The following PXDNL variants were observed in gnomAD, a reference collection of about 807,000 sequenced individuals.
PXDNL encodes peroxidasin like.
Under a neutral mutation model 150.8 loss-of-function variants are expected in PXDNL, and 145 were observed. The observed-to-expected ratio is 0.96, with a 90% CI of 0.84 to 1.10. The LOEUF (loss-of-function observed/expected upper bound fraction) is 1.10. Among genes scored for constraint, PXDNL ranks in the 50% least tolerant of loss-of-function variants. The pLI, the probability that PXDNL is intolerant of heterozygous loss-of-function variation, is 0.00. For missense variants in PXDNL, 2,087 were observed against 1,873.9 expected, an observed-to-expected ratio of 1.11 and a Z score of -2.10; for synonymous variants, 757 against 725.7, an observed-to-expected ratio of 1.04 and a Z score of -0.69.
At chr8:51,334,008 A>G (rs1454695129) in intron 21 of PXDNL, among the ~76,000 whole-genome samples, 2 of 152,200 alleles carry the variant, frequency 1.3e-5, no homozygotes, top group Non-Finnish European at 2.9e-5. Context: ...CAACAACCAT[A>G]GAATACACAT....
At chr8:51,504,174 A>T (rs555604104) in intron 4 of PXDNL, among the ~76,000 whole-genome samples, 3 of 152,294 alleles carry the variant, frequency 2.0e-5, no homozygotes, top group Middle Eastern at 3.4e-3. Context: ...AGAGCAAACT[A>T]TACCCTCGGT....
intron 1 of PXDNL, among the ~76,000 whole-genome samples, chr8:51,701,642 C>T (rs1004015233): frequency 6.6e-6 from 1 of 152,080 alleles, no homozygotes; most frequent in African/African-American, 2.4e-5. Flanking sequence ...GTAATTAAAT[C>T]GATTACCAAA....
At chr8:51,452,171 G>T (rs937700964) in intron 10 of PXDNL, among the ~76,000 whole-genome samples, 1 of 152,188 alleles carries the variant, frequency 6.6e-6, no homozygotes, top group Non-Finnish European at 1.5e-5. Context: ...GTGATCAGGC[G>T]TTAGGTTTCT....
intron 3 of PXDNL, among the ~76,000 whole-genome samples, chr8:51,563,467 C>A (rs1812756961): frequency 6.6e-6 from 1 of 151,942 alleles, no homozygotes. Flanking sequence ...CCTCCAAATA[C>A]CATCACACTG....
At chr8:51,468,309 TTTTGTTAGGTATATAAAGG>T (rs1810248014) in intron 8 of PXDNL, among the ~76,000 whole-genome samples, 1 of 151,962 alleles carries the variant, frequency 6.6e-6, no homozygotes, top group Non-Finnish European at 1.5e-5. Context: ...TCATCAGCTA[TTTTGTTAGGTATATAAAGG>T]TTCATGAATT....
At chr8:51,320,936 A>G in intron 21 of PXDNL, 39 bp from the exon 22 acceptor site, 1 of 1,450,192 alleles carries the variant, frequency 6.9e-7, no homozygotes, top group Non-Finnish European at 9.7e-7. Flanking sequence ...TGGAAATTGA[A>G]GCGGATAGCA....
chr8:51,691,704 TC>T (rs1408379957), intron 1 of PXDNL, among the ~76,000 whole-genome samples: 5 of 152,032 alleles, frequency 3.3e-5, no homozygotes, highest in African/African-American at 9.7e-5. Flanking sequence ...GCCAAGACAA[TC>T]CCTCTTTCTT....
intron 17 of PXDNL, among the ~76,000 whole-genome samples, chr8:51,407,596 A>C (rs1015206028): frequency 2.1e-4 from 32 of 152,362 alleles, no homozygotes; most frequent in African/African-American, 7.7e-4. Flanking sequence ...TTAAGGATGC[A>C]GTGAAAAAGC....
chr8:51,745,750 C>T (rs1427168680), intron 1 of PXDNL, among the ~76,000 whole-genome samples: 2 of 133,134 alleles, frequency 1.5e-5, no homozygotes, highest in Non-Finnish European at 3.1e-5. Context: ...GAATTCTCCA[C>T]CACTACCATT....
At chr8:51,688,655 G>A (rs1815925498) in intron 1 of PXDNL, among the ~76,000 whole-genome samples, 1 of 152,052 alleles carries the variant, frequency 6.6e-6, no homozygotes, top group African/African-American at 2.4e-5. Flanking sequence ...TCTAATGCTT[G>A]CAGTTCCCAT....
intron 19 of PXDNL, among the ~76,000 whole-genome samples, chr8:51,365,129 G>A (rs1284027543): frequency 6.6e-6 from 1 of 152,050 alleles, no homozygotes; most frequent in Non-Finnish European, 1.5e-5. Flanking sequence ...GTAGAGATGG[G>A]GTTTTACTGT....
intron 1 of PXDNL, among the ~76,000 whole-genome samples, chr8:51,705,974 G>T (rs1228692466): frequency 6.6e-6 from 1 of 152,180 alleles, no homozygotes; most frequent in African/African-American, 2.4e-5. Context: ...AAAGATAATG[G>T]CTGAGAATTT....
chr8:51,416,412 T>G (rs1248583528), intron 14 of PXDNL, among the ~76,000 whole-genome samples: 12 of 152,254 alleles, frequency 7.9e-5, no homozygotes, highest in Admixed American at 4.6e-4. Flanking sequence ...AAAATTGTTT[T>G]GCTGTTATAG....
intron 1 of PXDNL, among the ~76,000 whole-genome samples, chr8:51,720,524 T>G (rs748669376): frequency 1.1e-4 from 17 of 152,022 alleles, no homozygotes; most frequent in Non-Finnish European, 2.2e-4. Flanking sequence ...ATACATAGTA[T>G]TTTTATTTTT....
intron 1 of PXDNL, among the ~76,000 whole-genome samples, chr8:51,690,907 T>C (rs1325465868): frequency 2.0e-5 from 3 of 152,206 alleles, no homozygotes; most frequent in Non-Finnish European, 4.4e-5. Flanking sequence ...GATTTGCATT[T>C]CTCTGATGGC....
intron 1 of PXDNL, among the ~76,000 whole-genome samples, chr8:51,736,052 A>G (rs1190778183): frequency 6.6e-6 from 1 of 152,200 alleles, no homozygotes; most frequent in Non-Finnish European, 1.5e-5. Flanking sequence ...CCCTTGAGAG[A>G]GCCATAATTT....
chr8:51,462,255 T>C (rs1810100934), intron 8 of PXDNL, among the ~76,000 whole-genome samples: 1 of 152,192 alleles, frequency 6.6e-6, no homozygotes, highest in African/African-American at 2.4e-5. Context: ...GAGCATCTTA[T>C]TACTTCCAAA....
intron 3 of PXDNL, among the ~76,000 whole-genome samples, chr8:51,573,308 T>C (rs2130598969): frequency 6.6e-6 from 1 of 152,032 alleles, no homozygotes; most frequent in East Asian, 1.9e-4. Flanking sequence ...CAAATGGTGA[T>C]AATAATGAAA....
rs71237221 is a variant in PXDNL at position 51,621,943 on chromosome 8, CAAAAAA to C, written c.237-29251_237-29246del. Among the ~76,000 whole-genome samples, 213 of 128,242 alleles carry C rather than the reference CAAAAAA, an allele frequency of 1.7e-3. 1 individual carries two copies. The highest frequency in any genetic ancestry group is 2.3e-3 in the Non-Finnish European group (141 of 60,406). The allele number at this position is 128,242 out of a possible 152,430, so 84.1% of individuals were successfully genotyped here. A position where few individuals can be genotyped will look rare whatever the true frequency, so the allele number is the denominator to read the frequency against. On this transcript the variant is annotated intron_variant, in intron 2 of 22. Coordinates refer to ENST00000356297, the MANE Select transcript of PXDNL (RefSeq NM_144651.5). The stretch of plus-strand genomic sequence containing the variant: ...TGGGTGACAGAGTGAGACCCTGTCT[CAAAAAA>C]AAAAAAAAAAAAAGCAATTTTGCAG...
Sources: gnomAD v4.1 joint callset for allele counts (sites outside exome capture counted in the v4.1 genomes callset) on GRCh38, gnomAD v4.1.1 for gene constraint, MANE v1.5 for transcripts, NCBI Gene and HGNC (gene_info 2026-07-23, HGNC 2026-07-21) for gene names.